The following IMMT variants were observed in gnomAD, a reference collection of about 807,000 sequenced individuals.
IMMT encodes MICOS complex subunit MIC60.
Under a neutral mutation model 92.7 loss-of-function variants are expected in IMMT, and 40 were observed. The ratio of observed to expected loss-of-function variants is 0.43; its 90% CI spans 0.34 to 0.56. IMMT has a LOEUF of 0.56. Among genes scored for constraint, IMMT ranks in the 20% least tolerant of loss-of-function variants. The probability of loss-of-function intolerance (pLI) is 0.03; values close to 1 mark genes in which losing one functional copy is unlikely to be tolerated. For synonymous variants in IMMT, 322 were observed against 336.1 expected (o/e 0.96, Z 0.46); for missense variants, 831 against 912.1 (o/e 0.91, Z 1.14).
intron 3 of IMMT, among the ~76,000 whole-genome samples, chr2:86,174,477 A>G (rs1677301416): frequency 6.6e-6 from 1 of 152,194 alleles, no homozygotes; most frequent in South Asian, 2.1e-4. Flanking sequence ...AATTATTTCC[A>G]TTTTCATTAA....
Position 86,166,566 on chromosome 2 carries a change from G to A in IMMT, c.734C>T (p.Ala245Val), listed in dbSNP as rs778452014. 11 of 1,613,032 alleles carry A rather than the reference G, an allele frequency of 6.8e-6. No homozygotes were observed. The Admixed American group carries it at 1.0e-4, about 15-fold the overall frequency. ...TLQAIAAQNA[A>V]VQAVNAHSNI... is the part of the protein sequence containing the mutation. Reference sequence around the variant, plus strand: ...GGAGTGTGCATTGACAGCCTGGACCGCAGCATTCTGAGCTGCAATAGCCTG... The same window carrying A: ...GGAGTGTGCATTGACAGCCTGGACCACAGCATTCTGAGCTGCAATAGCCTG... Residue 245 changes from alanine (A) to valine (V), a missense_variant, in exon 7 of 15, where the codon GCG (alanine) becomes GTG (valine). By Grantham distance (64) the Ala-to-Val change is moderately conservative (BLOSUM62 0). Transcript: ENST00000410111.
chr2:86,146,002 A>G lies in IMMT; in HGVS notation c.1663+66T>C, dbSNP rs116681049. 1,880 of 1,291,084 alleles carry G rather than the reference A, an allele frequency of 1.5e-3. 18 individuals are homozygous for G. In the African/African-American group the frequency reaches 0.022, roughly 15 times the overall value. 80.0% of individuals were successfully genotyped at this position (1,291,084 alleles called of 1,614,324 possible). A position where few individuals can be genotyped will look rare whatever the true frequency, so the allele number is the denominator to read the frequency against. ...TCAGTACATGTACCCCATTTTCCCT[A>G]TAAAATTATTTTGATAAATTATGCT... On this transcript the variant is annotated intron_variant, in intron 14 of 14. Coordinates refer to ENST00000410111, the MANE Select transcript of IMMT (RefSeq NM_006839.3).
intron 1 of IMMT, among the ~76,000 whole-genome samples, chr2:86,191,973 T>C (rs1468427928): frequency 6.6e-6 from 1 of 152,140 alleles, no homozygotes. Flanking sequence ...GGCTCACGCC[T>C]GTAATCCCAG....
intron 12 of IMMT, among the ~76,000 whole-genome samples, chr2:86,148,260 T>C (rs922690035): frequency 1.3e-5 from 2 of 152,250 alleles, no homozygotes; most frequent in Non-Finnish European, 2.9e-5. Context: ...ATTTATCTTC[T>C]CAAATCTCCA....
In IMMT at chr2:86,148,501, A is replaced by C. The variant is rs569605374; in HGVS notation, c.1402-668T>G. 5.3e-5 allele frequency among the ~76,000 whole-genome samples: 8 copies of C among 151,966 alleles called. No homozygotes were observed. In the South Asian group the frequency reaches 1.0e-3, roughly 20 times the overall value. Reference sequence around the variant, plus strand: ...GTGGCGGGTGCCTGTAGTCCCAGCTACTCGGGAGGCTGAGGCAGGAGAATG... The same window carrying C: ...GTGGCGGGTGCCTGTAGTCCCAGCTCCTCGGGAGGCTGAGGCAGGAGAATG... On this transcript the variant is annotated intron_variant, in intron 12 of 14. Coordinates refer to ENST00000410111, the MANE Select transcript of IMMT (RefSeq NM_006839.3).
chr2:86,149,564 C>T (rs1675306990), intron 12 of IMMT, among the ~76,000 whole-genome samples: 1 of 152,078 alleles, frequency 6.6e-6, no homozygotes, highest in Non-Finnish European at 1.5e-5. Flanking sequence ...ACCTGTAATC[C>T]CAGCACTTTG....
intron 10 of IMMT, among the ~76,000 whole-genome samples, chr2:86,156,587 C>A (rs1227225889): frequency 7.5e-6 from 1 of 133,124 alleles, no homozygotes; most frequent in African/African-American, 3.3e-5. Flanking sequence ...CAGCAAGACT[C>A]CATCTCAAAA....
At chr2:86,177,759 T>C (rs1275681937) in intron 3 of IMMT, among the ~76,000 whole-genome samples, 2 of 152,216 alleles carry the variant, frequency 1.3e-5, no homozygotes, top group Non-Finnish European at 2.9e-5. Context: ...TTACTAACCA[T>C]AATACGTGGT....
At chr2:86,193,235 C>T (rs1673278300) in intron 1 of IMMT, 1 of 151,648 alleles carries the variant, frequency 6.6e-6, no homozygotes, top group African/African-American at 2.4e-5. Context: ...GAGACTCCGT[C>T]TCTACAAAAA....
At chr2:86,178,976 C>T (rs1306711183) in intron 3 of IMMT, among the ~76,000 whole-genome samples, 3 of 152,142 alleles carry the variant, frequency 2.0e-5, no homozygotes, top group Admixed American at 2.0e-4. Context: ...GCAGGAGAAT[C>T]GCTTGAACCC....
intron 1 of IMMT, among the ~76,000 whole-genome samples, chr2:86,184,187 G>A (rs1019665016): frequency 6.6e-6 from 1 of 151,284 alleles, no homozygotes; most frequent in East Asian, 1.9e-4. Flanking sequence ...TTTTTTTTAA[G>A]AGACTGAGTC....
intron 10 of IMMT, among the ~76,000 whole-genome samples, chr2:86,154,617 GTTC>G (rs1675719496): frequency 6.6e-6 from 1 of 152,104 alleles, no homozygotes; most frequent in Non-Finnish European, 1.5e-5. Context: ...AATACATTCA[GTTC>G]TTCTTTGAAA....
At chr2:86,180,546 G>T (rs889659563) in intron 2 of IMMT, among the ~76,000 whole-genome samples, 1 of 151,198 alleles carries the variant, frequency 6.6e-6, no homozygotes, top group Non-Finnish European at 1.5e-5. Flanking sequence ...GATTACAAGC[G>T]TGAGCCACCA....
intron 12 of IMMT, among the ~76,000 whole-genome samples, chr2:86,148,473 G>A (rs1385872480): frequency 6.6e-6 from 1 of 152,080 alleles, no homozygotes. Context: ...TTAGCCGGGT[G>A]TGGTGGCGGG....
chr2:86,147,003 C>T (rs551889830), intron 13 of IMMT, among the ~76,000 whole-genome samples: 2 of 152,282 alleles, frequency 1.3e-5, no homozygotes, highest in East Asian at 3.9e-4. Context: ...TCAAGCGATC[C>T]ACCCGCCTCA....
chr2:86,150,069 A>G (rs1338514089), intron 12 of IMMT, among the ~76,000 whole-genome samples: 2 of 152,212 alleles, frequency 1.3e-5, no homozygotes, highest in East Asian at 3.8e-4. Context: ...GGGCTGGAAT[A>G]GCTGAGCAGA....
intron 7 of IMMT, among the ~76,000 whole-genome samples, chr2:86,165,775 A>C (rs1676633327): frequency 6.6e-6 from 1 of 152,128 alleles, no homozygotes; most frequent in Admixed American, 6.5e-5. Flanking sequence ...AACATTTAAA[A>C]TAGCAGGTGT....
intron 2 of IMMT, 146 bp from the exon 3 acceptor site, chr2:86,179,768 C>G: frequency 5.3e-6 from 3 of 567,356 alleles, no homozygotes; most frequent in Non-Finnish European, 9.1e-6. Context: ...ACCACCATGT[C>G]TGCACATCAC....
intron 2 of IMMT, 96 bp from the exon 3 acceptor site, chr2:86,179,718 T>A (rs2105396206): frequency 1.1e-6 from 1 of 898,058 alleles, no homozygotes; most frequent in East Asian, 2.9e-5. Flanking sequence ...CTCTAGCCTC[T>A]ACTTATCTAC....
Sources: allele counts gnomAD v4.1 joint callset (sites outside exome capture counted in the v4.1 genomes callset), GRCh38; gene constraint gnomAD v4.1.1; transcripts MANE v1.5; gene names NCBI Gene and HGNC (gene_info 2026-07-23, HGNC 2026-07-21).